LMF1: variants seen among roughly 807,000 people sequenced by gnomAD.
LMF1 encodes the protein transmembrane protein 112.
Under a neutral mutation model 60.6 loss-of-function variants are expected in LMF1, and 68 were observed. That is an observed-to-expected ratio of 1.12 (90% CI 0.92 to 1.37). The LOEUF (loss-of-function observed/expected upper bound fraction) is 1.37. Ranked by LOEUF, LMF1 falls within the 40% of genes most tolerant of loss-of-function variation. The probability of loss-of-function intolerance (pLI) is 0.00; values close to 1 mark genes in which losing one functional copy is unlikely to be tolerated. For synonymous variants in LMF1, 418 were observed against 324.7 expected, an observed-to-expected ratio of 1.29 and a Z score of -3.09; for missense variants, 948 against 767.2, an observed-to-expected ratio of 1.24 and a Z score of -2.78.
At chr16:959,174 C>CGTG (rs2072771233) in intron 1 of LMF1, among the ~76,000 whole-genome samples, 1 of 152,194 alleles carries the variant, frequency 6.6e-6, no homozygotes, top group South Asian at 2.1e-4. Context: ...AGGAAGACAT[C>CGTG]CTTCACGGTG....
intron 5 of LMF1, 99 bp downstream of exon 5, chr16:892,908 G>GAC: frequency 1.1e-6 from 1 of 905,472 alleles, no homozygotes; most frequent in Non-Finnish European, 1.7e-6. Flanking sequence ...CCTGTGATGC[G>GAC]ACAGCTCACC....
intron 10 of LMF1, among the ~76,000 whole-genome samples, chr16:859,187 C>G (rs1401843709): frequency 2.7e-5 from 3 of 111,590 alleles, no homozygotes; most frequent in African/African-American, 4.3e-5. Flanking sequence ...AGTGGTGTCT[C>G]GGGACGGGTG....
chr16:952,951 GCACGTCCACACAGAC>G (rs2072524214), intron 2 of LMF1, among the ~76,000 whole-genome samples: 2 of 21,186 alleles, frequency 9.4e-5, no homozygotes, highest in Admixed American at 6.3e-4. Context: ...CCAGCCTCCT[GCACGTCCACACAGAC>G]ACCCCAAACC....
In LMF1 at chr16:874,835, G is replaced by GCAGC. The variant is rs939363468; in HGVS notation, c.898-3498_898-3495dup. Among the ~76,000 whole-genome samples, 5 of 152,002 alleles carry GCAGC rather than the reference G, an allele frequency of 3.3e-5. No individual in the cohort carries two copies. Among genetic ancestry groups the GCAGC allele is most frequent in the Non-Finnish European group, 5.9e-5 (4 of 68,002 alleles). ...GTCACAGCGCGGCACAGGGGAGTAC[G>GCAGC]CAGCCCCAGCCAGGACACTACAATG... On this transcript the variant is annotated intron_variant, in intron 6 of 10. Transcript: ENST00000262301. The surrounding 1 kb of genome is among the most constrained non-coding windows in gnomAD (Gnocchi z 4.1).
intron 1 of LMF1, among the ~76,000 whole-genome samples, chr16:959,393 G>A (rs544877349): frequency 3.3e-5 from 5 of 152,246 alleles, no homozygotes; most frequent in South Asian, 2.1e-4. Context: ...AGACAGACCC[G>A]GGCGTGCCAG....
intron 4 of LMF1, among the ~76,000 whole-genome samples, chr16:896,333 C>T (rs1388358955): frequency 1.3e-5 from 2 of 152,222 alleles, no homozygotes; most frequent in Non-Finnish European, 2.9e-5. Flanking sequence ...ATGTCTGGGT[C>T]CGGCATCGCC....
chr16:924,603 G>A (rs1018442530), intron 3 of LMF1, among the ~76,000 whole-genome samples: 3 of 152,248 alleles, frequency 2.0e-5, no homozygotes, highest in Non-Finnish European at 2.9e-5. Context: ...CCACTGTCAG[G>A]GGCAGCCGGG....
Position 854,712 on chromosome 16 carries a change from A to AG in LMF1, c.1530-7dup. On this transcript the variant is annotated splice_region_variant and splice_polypyrimidine_tract_variant and intron_variant, in intron 10 of 10. Transcript: ENST00000262301. ...AGTGCTCTCCTCGGACCCACCTGCAAGGGGGCACATGTCAGCCCAGGGCCT... is the reference window on the plus strand; with the variant it reads ...AGTGCTCTCCTCGGACCCACCTGCAAGGGGGGCACATGTCAGCCCAGGGCCT... 2.5e-6 allele frequency: 4 copies of AG among 1,581,300 alleles called. No individual in the cohort carries two copies. Among genetic ancestry groups the AG allele is most frequent in the Non-Finnish European group, 3.4e-6 (4 of 1,169,846 alleles).
chr16:955,321 G>GCACACACA (rs2072662484), intron 1 of LMF1, among the ~76,000 whole-genome samples: 1 of 150,104 alleles, frequency 6.7e-6, no homozygotes, highest in African/African-American at 2.5e-5. Flanking sequence ...CGCGGTGTGT[G>GCACACACA]CATACACACA....
rs2151754711 is a variant in LMF1 at position 911,012 on chromosome 16, T to C, written c.582A>G (p.Ser194=). Reference sequence around the variant, plus strand: ...ATGTGGGGGTATGCTGGGGCAGCCTTGACAGCGTCCACAGAGGGCACAGGA... The same window carrying C: ...ATGTGGGGGTATGCTGGGGCAGCCTCGACAGCGTCCACAGAGGGCACAGGA... The part of the protein sequence containing the change: ...GIFLCPLWTL[S]RLPQHTPTSR... Residue 194 remains serine, a synonymous_variant, in exon 4 of 11, where the codon TCA becomes TCG. Transcript: ENST00000262301. 6.2e-7 allele frequency: 1 copy of C among 1,613,016 alleles called. No homozygotes were observed. Among genetic ancestry groups the C allele is most frequent in the South Asian group, 1.1e-5 (1 of 91,070 alleles).
At chr16:870,349 GA>G (rs1165503127) in intron 8 of LMF1, among the ~76,000 whole-genome samples, 3 of 152,236 alleles carry the variant, frequency 2.0e-5, no homozygotes, top group African/African-American at 7.2e-5. Flanking sequence ...GGGTGGACAT[GA>G]GGGGGACAGA....
At chr16:888,017 T>C (rs1165323158) in intron 5 of LMF1, among the ~76,000 whole-genome samples, 1 of 152,092 alleles carries the variant, frequency 6.6e-6, no homozygotes, top group Non-Finnish European at 1.5e-5. Flanking sequence ...GCCCCAGCGG[T>C]GAGTCGACTC....
chr16:919,780 G>A (rs919760350), intron 3 of LMF1, among the ~76,000 whole-genome samples: 7 of 152,228 alleles, frequency 4.6e-5, no homozygotes, highest in Non-Finnish European at 8.8e-5. Context: ...TGGCAGGGCC[G>A]CCCTGGGAGG....
In LMF1 at chr16:954,626, G is replaced by A. The variant is rs149929337; in HGVS notation, c.234C>T (p.Leu78=). 1.9e-6 allele frequency: 3 copies of A among 1,608,320 alleles called. No homozygotes were observed. The highest frequency in any genetic ancestry group is 1.1e-5 in the South Asian group (1 of 90,942). ...FLVAFHQNKQ[L]IGDRGLLPCR... ...AGGGAAGCAGCCCCCTGTCACCGAT[G>A]AGCTGCTTGTTCTGATGGAAAGCCA... Residue 78 remains leucine, a synonymous_variant, in exon 2 of 11, where the codon CTC becomes CTT. Coordinates refer to ENST00000262301, the MANE Select transcript of LMF1 (RefSeq NM_022773.4).
chr16:920,055 C>T (rs1228005631), intron 3 of LMF1, among the ~76,000 whole-genome samples: 1 of 152,146 alleles, frequency 6.6e-6, no homozygotes, highest in Non-Finnish European at 1.5e-5. Context: ...TCGGCTTAGC[C>T]CCCAACACGA....
At chr16:872,547 T>G (rs1275778518) in intron 6 of LMF1, 1 of 152,340 alleles carries the variant, frequency 6.6e-6, no homozygotes, top group South Asian at 2.1e-4. Flanking sequence ...TGGCTGGGGT[T>G]AGCCACCTCT....
At chr16:949,680 TGACAGAGTCAGAGACAAC>T (rs1325197325) in intron 2 of LMF1, among the ~76,000 whole-genome samples, 2 of 68,100 alleles carry the variant, frequency 2.9e-5, no homozygotes, top group East Asian at 4.3e-4. Flanking sequence ...AGTCAGCCAA[TGACAGAGTCAGAGACAAC>T]GACAGAGTCA....
intron 3 of LMF1, among the ~76,000 whole-genome samples, chr16:913,946 G>T (rs2071195316): frequency 6.6e-6 from 1 of 152,216 alleles, no homozygotes; most frequent in South Asian, 2.1e-4. Flanking sequence ...AATTTAAGAT[G>T]AAATACTCGG....
intron 3 of LMF1, among the ~76,000 whole-genome samples, chr16:921,670 C>T (rs2071435276): frequency 6.6e-6 from 1 of 152,054 alleles, no homozygotes; most frequent in Admixed American, 6.5e-5. Flanking sequence ...GCGGTGAGTT[C>T]CAGCTAATGA....
Sources: gnomAD v4.1 joint callset for allele counts (sites outside exome capture counted in the v4.1 genomes callset) on GRCh38, gnomAD v4.1.1 for gene constraint, Gnocchi (gnomAD v3.1) non-coding constraint, MANE v1.5 for transcripts, NCBI Gene and HGNC (gene_info 2026-07-23, HGNC 2026-07-21) for gene names.